SLC25A48: variants seen among roughly 807,000 people sequenced by gnomAD.
The protein encoded by SLC25A48 is solute carrier family 25 member 48, also known as CTC-321K16.1.
Under a neutral mutation model 32.2 loss-of-function variants are expected in SLC25A48, and 29 were observed. The observed-to-expected ratio is 0.90, with a 90% CI of 0.67 to 1.23. The LOEUF (loss-of-function observed/expected upper bound fraction) is 1.23, where lower values mean the gene tolerates loss of function less well. SLC25A48 is among the 50% of genes most tolerant of loss of function. The pLI is 0.00. For missense variants in SLC25A48, 399 were observed against 422.7 expected (o/e 0.94, Z 0.49); for synonymous variants, 164 against 172.3 (o/e 0.95, Z 0.38).
chr5:135,777,942 C>A (rs1756610120), intron 3 of SLC25A48, among the ~76,000 whole-genome samples: 2 of 151,626 alleles, frequency 1.3e-5, no homozygotes, highest in South Asian at 2.1e-4. Flanking sequence ...GTATCCTGGG[C>A]TGAGGGACAG....
intron 3 of SLC25A48, among the ~76,000 whole-genome samples, chr5:135,664,941 G>A (rs1188900587): frequency 6.6e-6 from 1 of 152,178 alleles, no homozygotes; most frequent in African/African-American, 2.4e-5. Context: ...TAGATACCCA[G>A]CAGTGGGATT....
intron 3 of SLC25A48, among the ~76,000 whole-genome samples, chr5:135,748,813 G>C (rs984998037): frequency 6.6e-6 from 1 of 150,392 alleles, no homozygotes. Flanking sequence ...CCGCCTCCCA[G>C]GTTCAAGCGA....
intron 6 of SLC25A48, chr5:135,876,302 A>G (rs1203545889): frequency 6.6e-6 from 1 of 151,844 alleles, no homozygotes; most frequent in Non-Finnish European, 1.5e-5. Flanking sequence ...AAGTCTGTAG[A>G]GGCAAAATAT....
At chr5:135,759,500 C>T (rs536945347) in intron 3 of SLC25A48, among the ~76,000 whole-genome samples, 14 of 152,242 alleles carry the variant, frequency 9.2e-5, no homozygotes, top group South Asian at 6.2e-4. Context: ...ACAATGTTCA[C>T]GCAGTGAAAT....
intron 3 of SLC25A48, among the ~76,000 whole-genome samples, chr5:135,761,081 G>A (rs979173635): frequency 3.3e-5 from 5 of 152,064 alleles, no homozygotes; most frequent in East Asian, 1.9e-4. Flanking sequence ...GTGGAGGATA[G>A]CTTGAGCCCA....
rs76073909 is a variant in SLC25A48, at chr5:135,688,697, G to C, written c.-521+53741G>C. On this transcript the variant is annotated intron_variant, in intron 3 of 10. Transcript: ENST00000646290. ...TGCAATGGGATTCAGTGGAAAAGCA[G>C]GCCCTGAAGGCTGGGTTGGGCATGA... Among the ~76,000 whole-genome samples the C allele has an allele frequency of 3.3e-5, 5 of 152,346 alleles. No individual in the cohort carries two copies. The East Asian group carries it at 9.6e-4, about 29-fold the overall frequency.
intron 3 of SLC25A48, among the ~76,000 whole-genome samples, chr5:135,722,432 A>G (rs933238802): frequency 1.3e-5 from 2 of 152,214 alleles, no homozygotes; most frequent in East Asian, 1.9e-4. Flanking sequence ...TGTTTGTAGC[A>G]AAAGGTATTT....
intron 1 of SLC25A48, among the ~76,000 whole-genome samples, chr5:135,842,198 C>T (rs1759058905): frequency 6.6e-6 from 1 of 152,128 alleles, no homozygotes; most frequent in Non-Finnish European, 1.5e-5. Flanking sequence ...TGTCCCAGTC[C>T]CTTTGCCTTC....
At chr5:135,713,180 A>T (rs943977038) in intron 3 of SLC25A48, among the ~76,000 whole-genome samples, 2 of 152,176 alleles carry the variant, frequency 1.3e-5, no homozygotes, top group Non-Finnish European at 2.9e-5. Context: ...AGACCTTCTG[A>T]ATTGCAACCT....
At chr5:135,739,563 CAT>C (rs899209540) in intron 3 of SLC25A48, among the ~76,000 whole-genome samples, 3 of 152,282 alleles carry the variant, frequency 2.0e-5, no homozygotes, top group South Asian at 4.1e-4. Context: ...AATGGCCTTG[CAT>C]AGAGTTAGAG....
In SLC25A48 at chr5:135,850,490, GGA is replaced by G; in HGVS notation, c.160_161del (p.Ser54TyrfsTer28). 1 of 1,613,996 alleles carries G rather than the reference GGA, an allele frequency of 6.2e-7. No homozygotes were observed. Among genetic ancestry groups the G allele is most frequent in the Non-Finnish European group, 8.5e-7 (1 of 1,180,020 alleles). On this transcript the variant is annotated frameshift_variant, in exon 3 of 8. Coordinates refer to ENST00000681962, the MANE Select transcript of SLC25A48 (RefSeq NM_001349336.2). LOFTEE classifies it high-confidence loss of function. Reference protein sequence around the residue: ...LSCIRVVYRRESMFGFFKGMS... With the variant: ...LSCIRVVYRRXSMFGFFKGMS... ...GCTGCATCCGCGTGGTGTACAGGAG[GGA>G]GAGTGTAAGTGCCCCTTGGGCGGGT...
At chr5:135,717,195 C>T (rs1051315122) in intron 3 of SLC25A48, among the ~76,000 whole-genome samples, 2 of 152,196 alleles carry the variant, frequency 1.3e-5, no homozygotes, top group Non-Finnish European at 2.9e-5. Flanking sequence ...TCACAGGTGG[C>T]CAGCTCTGGC....
chr5:135,614,264 T>C (rs1410385634), intron 1 of SLC25A48, among the ~76,000 whole-genome samples: 1 of 152,236 alleles, frequency 6.6e-6, no homozygotes, highest in Non-Finnish European at 1.5e-5. Flanking sequence ...TACTGATTTT[T>C]GTATATTGAT....
At chr5:135,815,953 A>G (rs1757706626) in intron 4 of SLC25A48, among the ~76,000 whole-genome samples, 1 of 152,220 alleles carries the variant, frequency 6.6e-6, no homozygotes, top group South Asian at 2.1e-4. Flanking sequence ...ACTACCTGAG[A>G]CTGGGTAATT....
chr5:135,807,578 AGTGTT>A (rs997599113), intron 3 of SLC25A48, among the ~76,000 whole-genome samples: 18 of 150,454 alleles, frequency 1.2e-4, no homozygotes, highest in African/African-American at 4.4e-4. Flanking sequence ...TTAATAGTAT[AGTGTT>A]AAAACTGAAT....
intron 1 of SLC25A48, among the ~76,000 whole-genome samples, chr5:135,841,341 T>A (rs1758969144): frequency 6.6e-6 from 1 of 152,242 alleles, no homozygotes; most frequent in African/African-American, 2.4e-5. Flanking sequence ...TTTCTTCCAT[T>A]CTGTAGGATG....
intron 7 of SLC25A48, among the ~76,000 whole-genome samples, chr5:135,886,690 G>T: frequency 7.3e-6 from 1 of 137,860 alleles, no homozygotes; most frequent in African/African-American, 2.6e-5. Context: ...GAGAGAGAGA[G>T]AGAGAGAGAG....
At chr5:135,850,552 GACCAGGGCCACAGCCCCAC>G in intron 3 of SLC25A48, 56 bp downstream of exon 3, 2 of 1,564,996 alleles carry the variant, frequency 1.3e-6, no homozygotes, top group Non-Finnish European at 1.8e-6. Flanking sequence ...ACAGGCTGGG[GACCAGGGCCACAGCCCCAC>G]ACCAGCATGC....
chr5:135,747,046 G>A (rs11743035), intron 3 of SLC25A48, among the ~76,000 whole-genome samples: 60,125 of 149,722 alleles, frequency 0.4, 13,882 homozygotes, highest in Non-Finnish European at 0.52. Context: ...AATTTGTCCC[G>A]TTTTTGGTAA....
Sources: gnomAD v4.1 joint callset for allele counts (sites outside exome capture counted in the v4.1 genomes callset) on GRCh38, gnomAD v4.1.1 for gene constraint, MANE v1.5 for transcripts, NCBI Gene and HGNC (gene_info 2026-07-23, HGNC 2026-07-21) for gene names.